The following SGIP1 variants were observed in gnomAD, a reference collection of about 807,000 sequenced individuals.
SGIP1 encodes SH3-containing GRB2-like protein 3-interacting protein 1.
In SGIP1, 38 loss-of-function variants were observed where a neutral mutation model predicts 107.5. The ratio of observed to expected loss-of-function variants is 0.35; its 90% CI spans 0.27 to 0.46. The LOEUF is 0.46. Among genes scored for constraint, SGIP1 ranks in the 20% least tolerant of loss-of-function variants. The pLI is 1.00. For synonymous variants in SGIP1, 365 were observed against 366.1 expected (o/e 1.00, Z 0.03); for missense variants, 929 against 1,019.5 (o/e 0.91, Z 1.21).
At chr1:66,694,504 G>A in intron 17 of SGIP1, 2 of 1,598,616 alleles carry the variant, frequency 1.3e-6, no homozygotes, top group South Asian at 1.1e-5. Context: ...AACGCCTGCA[G>A]GTATGGTGCT....
At chr1:66,688,881 T>G (rs1353589993) in intron 15 of SGIP1, among the ~76,000 whole-genome samples, 1 of 152,082 alleles carries the variant, frequency 6.6e-6, no homozygotes, top group African/African-American at 2.4e-5. Context: ...CTTACCTCTG[T>G]CATAGAGCAA....
chr1:66,723,536 A>G (rs970978414), intron 19 of SGIP1, among the ~76,000 whole-genome samples: 8 of 152,130 alleles, frequency 5.3e-5, no homozygotes, highest in Non-Finnish European at 1.0e-4. Context: ...TAACTCTCTA[A>G]TTCCCTAGAA....
chr1:66,557,517 T>C (rs2058356964), intron 1 of SGIP1, among the ~76,000 whole-genome samples: 1 of 151,404 alleles, frequency 6.6e-6, no homozygotes, highest in African/African-American at 2.5e-5. Context: ...CTCCTACACA[T>C]GTTTGGGTCT....
At chr1:66,610,827 T>C (rs1024195667) in intron 1 of SGIP1, among the ~76,000 whole-genome samples, 1 of 152,146 alleles carries the variant, frequency 6.6e-6, no homozygotes, top group Non-Finnish European at 1.5e-5. Context: ...AATAATGGCA[T>C]TTGCAGTTAC....
At chr1:66,730,012 G>A (rs2093935950) in intron 20 of SGIP1, among the ~76,000 whole-genome samples, 1 of 152,048 alleles carries the variant, frequency 6.6e-6, no homozygotes, top group South Asian at 2.1e-4. Context: ...ATGTTGGCCA[G>A]GCTGGTCTCA....
intron 1 of SGIP1, among the ~76,000 whole-genome samples, chr1:66,612,533 C>T (rs919649300): frequency 6.6e-6 from 1 of 152,204 alleles, no homozygotes; most frequent in Non-Finnish European, 1.5e-5. Context: ...TGACAGTTTA[C>T]TATTTCTCAA....
At chr1:66,540,330 A>C (rs1337279813) in intron 1 of SGIP1, among the ~76,000 whole-genome samples, 1 of 152,214 alleles carries the variant, frequency 6.6e-6, no homozygotes, top group Non-Finnish European at 1.5e-5. Context: ...AAAGAGGCAC[A>C]TTGTAGCACC....
At position 66,539,882 on chromosome 1, in the gene SGIP1, G is replaced by A. The variant is rs191759024; in HGVS notation, c.10+5514G>A. Among the ~76,000 whole-genome samples the A allele has an allele frequency of 1.4e-3, 195 of 142,106 alleles. 3 individuals carry two copies. The East Asian group carries it at 0.032, about 24-fold the overall frequency. The allele number at this position is 142,106 out of a possible 152,430, so 93.2% of individuals were successfully genotyped here. The stretch of plus-strand genomic sequence containing the variant: ...CTCCTCAGAGCTGTGTTTATGGCTT[G>A]TGGTTGCTTTCAGTGCATGGGCTGA... On this transcript the variant is annotated intron_variant, in intron 1 of 24. Coordinates refer to ENST00000371037, the MANE Select transcript of SGIP1 (RefSeq NM_032291.4).
At chr1:66,579,171 T>C (rs2061483131) in intron 1 of SGIP1, among the ~76,000 whole-genome samples, 1 of 152,192 alleles carries the variant, frequency 6.6e-6, no homozygotes, top group Admixed American at 6.5e-5. Context: ...CTGTTTATTT[T>C]AATTTTCTTT....
chr1:66,680,500 C>G (rs1377217497), intron 14 of SGIP1, among the ~76,000 whole-genome samples: 1 of 152,128 alleles, frequency 6.6e-6, no homozygotes, highest in East Asian at 1.9e-4. Flanking sequence ...ATTTATGCAG[C>G]CTGGTGAGTT....
In SGIP1 at chr1:66,645,863, CAG is replaced by C. The variant is rs1406049820; in HGVS notation, c.459+2147_459+2148del. ...AGTTTTGTTGTTGTTGTTGTTTAGA[CAG>C]AGTCTTGCTCCGTTGCTCAGGCTGG... On this transcript the variant is annotated intron_variant, in intron 7 of 24. Coordinates refer to ENST00000371037, the MANE Select transcript of SGIP1 (RefSeq NM_032291.4). Among the ~76,000 whole-genome samples the C allele has an allele frequency of 7.9e-5, 12 of 152,202 alleles. No individual in the cohort carries two copies. The South Asian group carries it at 1.5e-3, about 18-fold the overall frequency.
chr1:66,583,386 C>T (rs2062087138), intron 1 of SGIP1, among the ~76,000 whole-genome samples: 1 of 151,976 alleles, frequency 6.6e-6, no homozygotes. Flanking sequence ...GGGAGTAGGC[C>T]CCAATAACTG....
intron 1 of SGIP1, among the ~76,000 whole-genome samples, chr1:66,601,257 C>T (rs906522926): frequency 1.3e-5 from 2 of 152,004 alleles, no homozygotes; most frequent in Non-Finnish European, 1.5e-5. Flanking sequence ...CCCAGCTACT[C>T]GGGAGACTGA....
chr1:66,600,768 C>T (rs1012168995), intron 1 of SGIP1, among the ~76,000 whole-genome samples: 8 of 152,080 alleles, frequency 5.3e-5, no homozygotes, highest in Non-Finnish European at 8.8e-5. Context: ...TGGGTTTTAC[C>T]AGAAAATGTG....
At chr1:66,609,943 T>A (rs1418540217) in intron 1 of SGIP1, among the ~76,000 whole-genome samples, 1 of 152,190 alleles carries the variant, frequency 6.6e-6, no homozygotes, top group Non-Finnish European at 1.5e-5. Flanking sequence ...TTCATCATTA[T>A]TAAAGTCACC....
chr1:66,555,179 C>G (rs895435626), intron 1 of SGIP1, among the ~76,000 whole-genome samples: 5 of 152,100 alleles, frequency 3.3e-5, no homozygotes, highest in African/African-American at 1.2e-4. Flanking sequence ...TATTCCCAGG[C>G]TCTACCCAAC....
intron 3 of SGIP1, among the ~76,000 whole-genome samples, chr1:66,634,900 C>T (rs1231652866): frequency 6.6e-6 from 1 of 152,184 alleles, no homozygotes; most frequent in Non-Finnish European, 1.5e-5. Context: ...TGTCTGCATT[C>T]AGTTCTCAGA....
intron 19 of SGIP1, 137 bp from the exon 20 acceptor site, chr1:66,729,127 A>T: frequency 1.0e-6 from 1 of 985,680 alleles, no homozygotes; most frequent in Non-Finnish European, 1.5e-6. Context: ...AGTATTTTTT[A>T]ATGGAATTGT....
At chr1:66,607,283 C>G (rs1019222665) in intron 1 of SGIP1, among the ~76,000 whole-genome samples, 1 of 152,170 alleles carries the variant, frequency 6.6e-6, no homozygotes, top group Non-Finnish European at 1.5e-5. Flanking sequence ...GACAAGGAAC[C>G]AGGACTTGGA....
Sources: allele counts gnomAD v4.1 joint callset (sites outside exome capture counted in the v4.1 genomes callset), GRCh38; gene constraint gnomAD v4.1.1; transcripts MANE v1.5; gene names NCBI Gene and HGNC (gene_info 2026-07-23, HGNC 2026-07-21).